The following KLF7 variants were observed in gnomAD, a reference collection of about 807,000 sequenced individuals.
KLF7 encodes Krueppel-like factor 7.
In KLF7, 2 loss-of-function variants were observed where a neutral mutation model predicts 27.3. The observed-to-expected ratio is 0.07, with a 90% CI of 0.03 to 0.23. The LOEUF is 0.23. KLF7 is among the 10% of genes least tolerant of loss of function. The pLI is 1.00. For missense variants in KLF7, 221 were observed against 394.1 expected, an observed-to-expected ratio of 0.56 and a Z score of 3.72; for synonymous variants, 165 against 162.4, an observed-to-expected ratio of 1.02 and a Z score of -0.12.
intron 1 of KLF7, among the ~76,000 whole-genome samples, chr2:207,135,443 G>A (rs2077756528): frequency 6.6e-6 from 1 of 151,774 alleles, no homozygotes; most frequent in Admixed American, 6.6e-5. Context: ...ATGCTATGAA[G>A]GTTTAATTTC....
rs1224418161 is a variant in KLF7, at chr2:207,078,726, G to A, written c.*2487C>T. 6.6e-6 allele frequency: 1 copy of A among 152,126 alleles called. No homozygotes were observed. The highest frequency in any genetic ancestry group is 1.5e-5 in the Non-Finnish European group (1 of 68,030). The allele number at this position is 152,126 out of a possible 1,614,324, so 9.4% of individuals were successfully genotyped here. A position where few individuals can be genotyped will look rare whatever the true frequency, so the allele number is the denominator to read the frequency against. On this transcript the variant is annotated 3_prime_UTR_variant, in exon 4 of 4. Transcript: ENST00000309446. ...GTTTCATCTAGTGCACTGACTGGAG[G>A]CGCTACAGTTTAATACAGCTGAGGT...
At chr2:207,135,893 C>G (rs1044561274) in intron 1 of KLF7, among the ~76,000 whole-genome samples, 5 of 152,156 alleles carry the variant, frequency 3.3e-5, no homozygotes, top group Non-Finnish European at 5.9e-5. Flanking sequence ...TTTAGCTTCA[C>G]GGGGTAGCCC....
rs1461593479 is a variant in KLF7, at chr2:207,078,911, A to C, written c.*2302T>G. On this transcript the variant is annotated 3_prime_UTR_variant, in exon 4 of 4. Coordinates refer to ENST00000309446, the MANE Select transcript of KLF7 (RefSeq NM_003709.4). ...GTGCTCCAGAAATTGTTTTTAAGTC[A>C]TGTCTAGTTTTAAATCTTTGGAATA... 4 of 152,228 alleles carry C rather than the reference A, an allele frequency of 2.6e-5. No homozygotes were observed. Among genetic ancestry groups the C allele is most frequent in the Non-Finnish European group, 5.9e-5 (4 of 68,044 alleles). The allele number at this position is 152,228 out of a possible 1,614,324, so 9.4% of individuals were successfully genotyped here. A position where few individuals can be genotyped will look rare whatever the true frequency, so the allele number is the denominator to read the frequency against.
intron 1 of KLF7, among the ~76,000 whole-genome samples, chr2:207,131,374 A>G (rs979661984): frequency 2.6e-5 from 4 of 152,240 alleles, no homozygotes; most frequent in African/African-American, 9.6e-5. Context: ...TCAAGTAAAG[A>G]AAGAGAGAAA....
intron 3 of KLF7, among the ~76,000 whole-genome samples, chr2:207,084,384 TG>T (rs1420608588): frequency 6.6e-6 from 1 of 152,202 alleles, no homozygotes; most frequent in African/African-American, 2.4e-5. Flanking sequence ...TACCAATTAC[TG>T]GGTATTTAGC....
intron 1 of KLF7, among the ~76,000 whole-genome samples, chr2:207,146,007 T>G (rs1329516155): frequency 6.6e-6 from 1 of 152,236 alleles, no homozygotes; most frequent in African/African-American, 2.4e-5. Context: ...AATGGTTTAT[T>G]ATGAACGAGT....
upstream of KLF7, among the ~76,000 whole-genome samples, chr2:207,171,704 A>G (rs1182908394): frequency 6.6e-6 from 1 of 152,228 alleles, no homozygotes; most frequent in African/African-American, 2.4e-5. Context: ...GTAGCAAAAT[A>G]TTTTAAAATT....
At chr2:207,160,224 GC>G (rs146639356) in intron 1 of KLF7, among the ~76,000 whole-genome samples, 1 of 151,838 alleles carries the variant, frequency 6.6e-6, no homozygotes, top group Admixed American at 6.6e-5. Flanking sequence ...AAAACATTCC[GC>G]CCCCCTACCC....
chr2:207,082,489 C>T (rs971078044), intron 3 of KLF7, among the ~76,000 whole-genome samples: 13 of 152,290 alleles, frequency 8.5e-5, no homozygotes, highest in Non-Finnish European at 1.3e-4. Flanking sequence ...GTTACCTGAG[C>T]GCATAAATAC....
At chr2:207,095,238 C>G (rs1187063506) in intron 2 of KLF7, among the ~76,000 whole-genome samples, 2 of 151,814 alleles carry the variant, frequency 1.3e-5, no homozygotes, top group African/African-American at 4.8e-5. Context: ...TTAGTGGAGA[C>G]AGGGTTTCAC....
At chr2:207,083,797 G>T (rs1401754115) in intron 3 of KLF7, among the ~76,000 whole-genome samples, 1 of 152,194 alleles carries the variant, frequency 6.6e-6, no homozygotes, top group Non-Finnish European at 1.5e-5. Flanking sequence ...CTTAAAAGTG[G>T]GAGAAGGAAT....
intron 2 of KLF7, among the ~76,000 whole-genome samples, chr2:207,093,081 A>G (rs558460312): frequency 7.2e-5 from 11 of 152,258 alleles, no homozygotes; most frequent in Admixed American, 4.6e-4. Flanking sequence ...TGTAAATCAG[A>G]GCATAAGTGA....
intron 1 of KLF7, among the ~76,000 whole-genome samples, chr2:207,127,343 T>C (rs927807234): frequency 3.3e-5 from 5 of 152,198 alleles, no homozygotes; most frequent in Non-Finnish European, 7.3e-5. Flanking sequence ...ACACTTCTTA[T>C]ATCTGCTGGA....
At chr2:207,144,170 A>T (rs1252964554) in intron 1 of KLF7, among the ~76,000 whole-genome samples, 1 of 124,826 alleles carries the variant, frequency 8.0e-6, no homozygotes, top group Non-Finnish European at 1.7e-5. Flanking sequence ...GGGGGGGAGA[A>T]AAAAAAAAAA....
At chr2:207,153,615 C>T (rs1182091299) in intron 1 of KLF7, among the ~76,000 whole-genome samples, 1 of 127,152 alleles carries the variant, frequency 7.9e-6, no homozygotes, top group East Asian at 3.0e-4. Context: ...CTGGTATTGG[C>T]TATTAAGAAT....
chr2:207,126,097 A>T lies in KLF7; in HGVS notation c.103-1693T>A, dbSNP rs114009244. Among the ~76,000 whole-genome samples the T allele has an allele frequency of 7.6e-3, 1,160 of 152,320 alleles. 12 individuals carry two copies. The highest frequency in any genetic ancestry group is 0.027 in the African/African-American group (1,102 of 41,570). On this transcript the variant is annotated intron_variant, in intron 1 of 3. Transcript: ENST00000309446. ...ACTCAGTAGCTTCCCACTACTCTAC[A>T]TTAGAAACCAGTATGATGACCTTCT... is the stretch of plus-strand genomic sequence containing the variant.
chr2:207,149,756 G>A (rs1441212535), intron 1 of KLF7, among the ~76,000 whole-genome samples: 1 of 152,162 alleles, frequency 6.6e-6, no homozygotes, highest in Non-Finnish European at 1.5e-5. Flanking sequence ...TGGTCCTCGG[G>A]TCTGAGTTCA....
At chr2:207,115,672 A>AG (rs1174710950) in intron 2 of KLF7, among the ~76,000 whole-genome samples, 2 of 152,206 alleles carry the variant, frequency 1.3e-5, no homozygotes, top group Non-Finnish European at 2.9e-5. Context: ...GTAGCAGAGG[A>AG]GGGGTAGATG....
At chr2:207,166,535 G>A (rs560002308), upstream of KLF7, 1 of 126,272 alleles carries the variant, frequency 7.9e-6, no homozygotes, top group Admixed American at 7.3e-5. Context: ...CCCCTCAGAG[G>A]GAAGGGGTCG....
Sources: allele counts gnomAD v4.1 joint callset (sites outside exome capture counted in the v4.1 genomes callset), GRCh38; gene constraint gnomAD v4.1.1; transcripts MANE v1.5; gene names NCBI Gene and HGNC (gene_info 2026-07-23, HGNC 2026-07-21).